The following PZP variants were observed in gnomAD, a reference collection of about 807,000 sequenced individuals.
PZP encodes the protein PZP alpha-2-macroglobulin like.
In PZP, 150 loss-of-function variants were observed where a neutral mutation model predicts 179.8. That is an observed-to-expected ratio of 0.83 (90% confidence interval 0.73 to 0.96). PZP has a LOEUF of 0.96. Among genes scored for constraint, PZP ranks in the 40% least tolerant of loss-of-function variants. The pLI, the probability that PZP is intolerant of heterozygous loss-of-function variation, is 0.00. For missense variants in PZP, 1,689 were observed against 1,764.0 expected (o/e 0.96, Z 0.76); for synonymous variants, 624 against 652.3 (o/e 0.96, Z 0.66).
At chr12:9,179,615 C>T (rs752348391) in intron 15 of PZP, among the ~76,000 whole-genome samples, 13 of 152,026 alleles carry the variant, frequency 8.6e-5, no homozygotes, top group Admixed American at 5.2e-4. Context: ...ATAAATAGTT[C>T]GATCTGTTAA....
At position 9,152,294 on chromosome 12, in the gene PZP, G is replaced by C. The variant is rs1465110044; in HGVS notation, c.4138C>G (p.Pro1380Ala). Residue 1380 changes from proline to alanine, a missense_variant, in exon 32 of 36, where the codon CCT (proline) becomes GCT (alanine). Coordinates refer to ENST00000261336, the MANE Select transcript of PZP (RefSeq NM_002864.3). Reference protein sequence around the residue: ...SLTISYTGNRPASNMVIVDVK... With the variant: ...SLTISYTGNRAASNMVIVDVK... ...TCAACAATCACCATATTGGAAGCAG[G>C]ACGGTTTCCTGTGTAACTGTAGTGT... 1 of 1,613,010 alleles carries C rather than the reference G, an allele frequency of 6.2e-7. No individual in the cohort carries two copies. Among genetic ancestry groups the C allele is most frequent in the East Asian group, 2.2e-5 (1 of 44,848 alleles).
At chr12:9,192,054 T>TCATAAGAC in intron 13 of PZP, 139 bp downstream of exon 13, 1 of 681,756 alleles carries the variant, frequency 1.5e-6, no homozygotes. Context: ...TGCCAAAGAG[T>TCATAAGAC]CATAAGACGA....
At position 9,150,636 on chromosome 12, in the gene PZP, TC is replaced by T. The variant is rs751416491; in HGVS notation, c.4384+7del. 160 of 1,565,412 alleles carry T rather than the reference TC, an allele frequency of 1.0e-4. 1 individual carries two copies. Among genetic ancestry groups the T allele is most frequent in the South Asian group, 9.9e-4 (87 of 87,986 alleles). ...TGGTTAAGATTGTTTCATTTTTCTT[TC>T]ACTCACCTGTCTCATAGTAATCATA... On this transcript the variant is annotated splice_region_variant and intron_variant, in intron 34 of 35. Coordinates refer to ENST00000261336, the MANE Select transcript of PZP (RefSeq NM_002864.3).
intron 4 of PZP, among the ~76,000 whole-genome samples, 184 bp downstream of exon 4, chr12:9,202,135 A>G (rs1198601490): frequency 6.6e-6 from 1 of 152,166 alleles, no homozygotes; most frequent in Non-Finnish European, 1.5e-5. Context: ...TAAGAGAAAG[A>G]ACTTCCTCAT....
chr12:9,173,647 T>C (rs958922064), intron 15 of PZP, among the ~76,000 whole-genome samples: 2 of 152,174 alleles, frequency 1.3e-5, no homozygotes, highest in African/African-American at 4.8e-5. Flanking sequence ...TAGGGGAATA[T>C]CACCACTGAC....
intron 1 of PZP, 66 bp downstream of exon 1, chr12:9,208,193 C>T: frequency 7.9e-7 from 1 of 1,262,908 alleles, no homozygotes; most frequent in South Asian, 1.2e-5. Context: ...CAAAGGAAGG[C>T]AAAGCGAAGA....
intron 25 of PZP, among the ~76,000 whole-genome samples, chr12:9,159,082 G>A (rs12823677): frequency 0.26 from 38,811 of 151,986 alleles, 5,626 homozygotes; most frequent in Admixed American, 0.33. Flanking sequence ...GAGAGAGAAA[G>A]GATATCATCT....
intron 7 of PZP, 87 bp from the exon 8 acceptor site, chr12:9,197,210 G>A (rs1943829241): frequency 1.1e-6 from 1 of 882,502 alleles, no homozygotes. Flanking sequence ...CCTCTTTAGA[G>A]TTGCCTACAC....
the PZP span, among the ~76,000 whole-genome samples, chr12:9,137,780 A>T: frequency 2.6e-5 from 4 of 151,864 alleles, no homozygotes; most frequent in Non-Finnish European, 5.9e-5. Flanking sequence ...TTTTTGTGCT[A>T]TTGTAAATGG....
At chr12:9,180,781 A>G (rs1423337215) in intron 15 of PZP, among the ~76,000 whole-genome samples, 1 of 152,248 alleles carries the variant, frequency 6.6e-6, no homozygotes, top group Non-Finnish European at 1.5e-5. Flanking sequence ...AATGGCAACA[A>G]AAGACAAAAT....
chr12:9,198,959 CTGTT>C (rs1943998005), intron 7 of PZP, among the ~76,000 whole-genome samples: 1 of 152,134 alleles, frequency 6.6e-6, no homozygotes, highest in African/African-American at 2.4e-5. Context: ...CCCTCTGGGA[CTGTT>C]TGTTTGTAGG....
intron 13 of PZP, among the ~76,000 whole-genome samples, chr12:9,189,533 C>T (rs1943331929): frequency 6.6e-6 from 1 of 152,090 alleles, no homozygotes; most frequent in Non-Finnish European, 1.5e-5. Flanking sequence ...AAAAAGTATA[C>T]AAACTCTGGA....
intron 20 of PZP, 52 bp downstream of exon 20, chr12:9,164,081 G>T: frequency 6.5e-7 from 1 of 1,546,548 alleles, no homozygotes; most frequent in Non-Finnish European, 8.8e-7. Context: ...AAAGTACTCA[G>T]ACAGCCACCG....
intron 13 of PZP, among the ~76,000 whole-genome samples, chr12:9,186,032 T>C (rs1943097020): frequency 6.6e-6 from 1 of 151,980 alleles, no homozygotes; most frequent in African/African-American, 2.4e-5. Context: ...GGTCTCGATC[T>C]CCTGACTTCA....
intron 13 of PZP, among the ~76,000 whole-genome samples, chr12:9,186,951 T>C (rs747671644): frequency 2.6e-5 from 4 of 151,934 alleles, no homozygotes; most frequent in Non-Finnish European, 5.9e-5. Context: ...TACACCTATG[T>C]AACAAACCTG....
chr12:9,196,461 T>C (rs748167025), intron 9 of PZP, 22 bp from the exon 10 acceptor site: 1 of 1,587,140 alleles, frequency 6.3e-7, no homozygotes, highest in South Asian at 1.1e-5. Flanking sequence ...AAAGAGTCAG[T>C]ACTTTTAGAA....
At chr12:9,161,153 C>G (rs1592460821) in intron 22 of PZP, 37 bp from the exon 23 acceptor site, 10 of 1,452,246 alleles carry the variant, frequency 6.9e-6, no homozygotes, top group Non-Finnish European at 8.5e-6. Flanking sequence ...AGGAGGACAT[C>G]TATGATTACA....
chr12:9,202,710 C>G (rs746520980), intron 2 of PZP, 26 bp from the exon 3 acceptor site: 1 of 1,605,228 alleles, frequency 6.2e-7, no homozygotes, highest in Non-Finnish European at 8.5e-7. Flanking sequence ...TTTTTTACTA[C>G]TGAGGAACTG....
chr12:9,197,714 ACATAATATATATAAT>A (rs1943897182), intron 7 of PZP, among the ~76,000 whole-genome samples: 1 of 87,276 alleles, frequency 1.1e-5, no homozygotes, highest in Non-Finnish European at 2.0e-5. Context: ...ATTATACAAT[ACATAATATATATAAT>A]TATATATTAT....
Sources: gnomAD v4.1 joint callset for allele counts (sites outside exome capture counted in the v4.1 genomes callset) on GRCh38, gnomAD v4.1.1 for gene constraint, MANE v1.5 for transcripts, NCBI Gene and HGNC (gene_info 2026-07-23, HGNC 2026-07-21) for gene names.